Variants in ANKH observed in about 807,000 individuals in gnomAD.
ANKH encodes mineralization regulator ANKH.
A neutral mutation model predicts 49.0 loss-of-function variants in ANKH; 15 were observed. That is an observed-to-expected ratio of 0.31 (90% CI 0.20 to 0.47). The LOEUF (loss-of-function observed/expected upper bound fraction) is 0.47. ANKH is among the 20% of genes least tolerant of loss of function. The pLI, the probability that ANKH is intolerant of heterozygous loss-of-function variation, is 1.00. For synonymous variants in ANKH, 273 were observed against 260.0 expected, an observed-to-expected ratio of 1.05 and a Z score of -0.48; for missense variants, 429 against 652.0, an observed-to-expected ratio of 0.66 and a Z score of 3.72.
intron 1 of ANKH, among the ~76,000 whole-genome samples, chr5:14,843,556 A>AAAG (rs967254598): frequency 6.6e-6 from 1 of 150,858 alleles, no homozygotes; most frequent in Admixed American, 6.6e-5. Flanking sequence ...AGCGAAAAAA[A>AAAG]AAAAAAAAAA....
Position 14,745,125 on chromosome 5 carries a change from G to C in ANKH, c.915+745C>G, listed in dbSNP as rs1330865730. 6.6e-6 allele frequency among the ~76,000 whole-genome samples: 1 copy of C among 152,152 alleles called. No individual in the cohort carries two copies. Among genetic ancestry groups the C allele is most frequent in the Non-Finnish European group, 1.5e-5 (1 of 68,030 alleles). On this transcript the variant is annotated intron_variant, in intron 7 of 11. Transcript: ENST00000284268. The surrounding 1 kb of genome is among the most constrained non-coding windows in gnomAD (Gnocchi z 4.7). The stretch of plus-strand genomic sequence containing the variant: ...TCAAGGCACAACAGGTGCCCTTCAC[G>C]GTAAGAAGTAGCAGTCTGTTTGCTT...
intron 1 of ANKH, among the ~76,000 whole-genome samples, chr5:14,856,970 CA>C (rs1173819058): frequency 6.6e-6 from 1 of 152,146 alleles, no homozygotes; most frequent in African/African-American, 2.4e-5. Flanking sequence ...CACAGGGAAG[CA>C]AAACTTCCTG....
At chr5:14,717,285 A>T (rs968188108) in intron 8 of ANKH, among the ~76,000 whole-genome samples, 1 of 152,276 alleles carries the variant, frequency 6.6e-6, no homozygotes, top group African/African-American at 2.4e-5. Context: ...ATCAGCACAC[A>T]TAATGAAAAG....
At position 14,713,779 on chromosome 5, in the gene ANKH, C is replaced by T. The variant is rs1184795356; in HGVS notation, c.1142-112G>A. On this transcript the variant is annotated intron_variant, in intron 9 of 11. Transcript: ENST00000284268. The surrounding 1 kb of genome is among the most constrained non-coding windows in gnomAD (Gnocchi z 4.4). ...AGCCAGGGGCTGCCTAGGACCCTGGCCTTGCTGTTGAGCCGCTGGCCACCT... is the reference window on the plus strand; with the variant it reads ...AGCCAGGGGCTGCCTAGGACCCTGGTCTTGCTGTTGAGCCGCTGGCCACCT... 5.9e-6 allele frequency: 9 copies of T among 1,513,876 alleles called. No homozygotes were observed. In the Admixed American group the frequency reaches 1.3e-4, roughly 23 times the overall value. The allele number at this position is 1,513,876 out of a possible 1,614,324, so 93.8% of individuals were successfully genotyped here.
chr5:14,819,481 T>C (rs779824076), intron 1 of ANKH, among the ~76,000 whole-genome samples: 11 of 152,142 alleles, frequency 7.2e-5, no homozygotes, highest in Non-Finnish European at 8.8e-5. Context: ...AATGTTACAA[T>C]GTAATTCTGT....
chr5:14,775,373 G>A (rs55840968), intron 1 of ANKH, among the ~76,000 whole-genome samples: 41,168 of 151,998 alleles, frequency 0.27, 5,848 homozygotes, highest in South Asian at 0.32. Flanking sequence ...GGCACAGTAA[G>A]AGTAACAACA....
intron 1 of ANKH, among the ~76,000 whole-genome samples, chr5:14,793,430 G>A (rs1740268439): frequency 6.6e-6 from 1 of 152,116 alleles, no homozygotes; most frequent in Admixed American, 6.6e-5. Flanking sequence ...CAGGAGCTGT[G>A]CCCACGTTAA....
intron 2 of ANKH, among the ~76,000 whole-genome samples, chr5:14,762,915 T>G (rs1455197960): frequency 6.6e-6 from 1 of 152,218 alleles, no homozygotes; most frequent in Admixed American, 6.5e-5. Flanking sequence ...AACAAGGTTT[T>G]TGAACAGATG....
At chr5:14,858,251 C>T (rs1007591091) in intron 1 of ANKH, among the ~76,000 whole-genome samples, 2 of 151,956 alleles carry the variant, frequency 1.3e-5, no homozygotes, top group African/African-American at 4.8e-5. Flanking sequence ...GTCTTTTATC[C>T]CTCACCCGCC....
chr5:14,843,274 C>T (rs752509158), intron 1 of ANKH, among the ~76,000 whole-genome samples: 6 of 150,510 alleles, frequency 4.0e-5, no homozygotes, highest in Admixed American at 6.7e-5. Flanking sequence ...CTCATGGATT[C>T]AAGTGGGTCT....
At chr5:14,803,015 C>A (rs886328147) in intron 1 of ANKH, among the ~76,000 whole-genome samples, 2 of 152,212 alleles carry the variant, frequency 1.3e-5, no homozygotes, top group African/African-American at 2.4e-5. Flanking sequence ...ATACTGTAAT[C>A]CTCTAGCTTG....
intron 1 of ANKH, among the ~76,000 whole-genome samples, chr5:14,839,145 G>A (rs1026450594): frequency 2.0e-5 from 3 of 152,046 alleles, no homozygotes; most frequent in Admixed American, 6.6e-5. Context: ...TAAAACATGG[G>A]ACATACGAGG....
At chr5:14,718,255 G>A (rs564688715) in intron 8 of ANKH, among the ~76,000 whole-genome samples, 47 of 152,108 alleles carry the variant, frequency 3.1e-4, no homozygotes, top group African/African-American at 1.0e-3. Context: ...GGGGTGGGGG[G>A]TACCTGGTTG....
At chr5:14,855,842 G>GA (rs1735222080) in intron 1 of ANKH, among the ~76,000 whole-genome samples, 4 of 126,048 alleles carry the variant, frequency 3.2e-5, no homozygotes, top group Admixed American at 1.6e-4. Context: ...AAAAAAAAAA[G>GA]AAAAAGAAAA....
chr5:14,735,584 T>G (rs1422687753), intron 8 of ANKH, among the ~76,000 whole-genome samples: 1 of 152,188 alleles, frequency 6.6e-6, no homozygotes, highest in Non-Finnish European at 1.5e-5. Context: ...TTCTGGAGAC[T>G]GAAATCAAGG....
At chr5:14,782,565 A>G (rs1227772699) in intron 1 of ANKH, among the ~76,000 whole-genome samples, 2 of 152,368 alleles carry the variant, frequency 1.3e-5, no homozygotes, top group African/African-American at 4.8e-5. Context: ...AGGACTAGCT[A>G]TCAGATCAAA....
chr5:14,715,975 GGCTTTAGCAATAC>G (rs1489593640), intron 9 of ANKH, among the ~76,000 whole-genome samples: 1 of 152,124 alleles, frequency 6.6e-6, no homozygotes. Context: ...TATATCTCCA[GGCTTTAGCAATAC>G]GCTCACTCTA....
intron 8 of ANKH, among the ~76,000 whole-genome samples, chr5:14,721,121 A>G (rs1273683146): frequency 6.6e-6 from 1 of 152,228 alleles, no homozygotes; most frequent in Non-Finnish European, 1.5e-5. Context: ...CAAGCTGTGT[A>G]GGTGAGCACA....
chr5:14,756,737 G>T (rs1426252839), intron 3 of ANKH, among the ~76,000 whole-genome samples: 1 of 151,454 alleles, frequency 6.6e-6, no homozygotes, highest in African/African-American at 2.4e-5. Context: ...AAGCTTGCTG[G>T]CTTTAAATAT....
Sources: gnomAD v4.1 joint callset for allele counts (sites outside exome capture counted in the v4.1 genomes callset) on GRCh38, gnomAD v4.1.1 for gene constraint, Gnocchi (gnomAD v3.1) non-coding constraint, MANE v1.5 for transcripts, NCBI Gene and HGNC (gene_info 2026-07-23, HGNC 2026-07-21) for gene names.